Variants in PSD3 observed in about 807,000 individuals in gnomAD.
PSD3 encodes pleckstrin and Sec7 domain containing 3.
Under a neutral mutation model 105.5 loss-of-function variants are expected in PSD3, and 49 were observed. The ratio of observed to expected loss-of-function variants is 0.46; its 90% CI spans 0.37 to 0.59. The LOEUF (loss-of-function observed/expected upper bound fraction) is 0.59, where lower values mean the gene tolerates loss of function less well. Among genes scored for constraint, PSD3 ranks in the 20% least tolerant of loss-of-function variants. The pLI is 0.00. For synonymous variants in PSD3, 557 were observed against 457.8 expected, an observed-to-expected ratio of 1.22 and a Z score of -2.77; for missense variants, 1,561 against 1,263.8, an observed-to-expected ratio of 1.24 and a Z score of -3.57.
At chr8:18,727,551 A>AAC (rs56410753) in intron 9 of PSD3, among the ~76,000 whole-genome samples, 26,043 of 137,326 alleles carry the variant, frequency 0.19, 2,874 homozygotes, top group East Asian at 0.47. Flanking sequence ...AAAAAATCCA[A>AAC]ACACACACAC....
intron 1 of PSD3, among the ~76,000 whole-genome samples, chr8:18,944,864 A>C (rs1310046456): frequency 6.6e-6 from 1 of 152,116 alleles, no homozygotes; most frequent in East Asian, 1.9e-4. Flanking sequence ...TTATTCTCTG[A>C]GCATTTATTT....
chr8:18,911,930 C>T (rs1361612789), intron 2 of PSD3, among the ~76,000 whole-genome samples: 2 of 152,136 alleles, frequency 1.3e-5, no homozygotes, highest in African/African-American at 2.4e-5. Flanking sequence ...AAAACAAATG[C>T]AACAACTCAA....
Position 18,838,750 on chromosome 8 carries a change from C to T in PSD3, c.1634+28924G>A, listed in dbSNP as rs186457713. ...CCGGGAGGCAGAGCTTGCAGTGAGC[C>T]GCGACAGCGCCACTGCACTCCAGCC... On this transcript the variant is annotated intron_variant, in intron 4 of 15. Coordinates refer to ENST00000327040, the MANE Select transcript of PSD3 (RefSeq NM_015310.4). Among the ~76,000 whole-genome samples the T allele has an allele frequency of 4.7e-5, 7 of 150,470 alleles. No individual in the cohort carries two copies. In the East Asian group the frequency reaches 9.8e-4, roughly 21 times the overall value.
At chr8:19,023,519 C>A (rs940835718) in intron 1 of PSD3, among the ~76,000 whole-genome samples, 1 of 151,988 alleles carries the variant, frequency 6.6e-6, no homozygotes, top group African/African-American at 2.4e-5. Flanking sequence ...GCCTTGACCT[C>A]CTGTGGACTC....
At chr8:18,603,567 A>C (rs1288838440) in intron 11 of PSD3, among the ~76,000 whole-genome samples, 1 of 152,156 alleles carries the variant, frequency 6.6e-6, no homozygotes, top group East Asian at 1.9e-4. Flanking sequence ...ACATTATTTC[A>C]CTATCTTTTG....
intron 4 of PSD3, among the ~76,000 whole-genome samples, chr8:18,845,031 T>G (rs562341697): frequency 1.3e-5 from 2 of 152,176 alleles, no homozygotes; most frequent in Non-Finnish European, 2.9e-5. Flanking sequence ...GCCTAGATTT[T>G]CTAAAATCTT....
At chr8:18,659,734 T>C (rs7824710) in intron 9 of PSD3, among the ~76,000 whole-genome samples, 45,845 of 152,090 alleles carry the variant, frequency 0.3, 9,455 homozygotes, top group East Asian at 0.67. Context: ...GCGCCTTTGT[T>C]GGTGAGGATG....
At chr8:18,721,147 G>A (rs889843321) in intron 9 of PSD3, 1 of 151,982 alleles carries the variant, frequency 6.6e-6, no homozygotes, top group Non-Finnish European at 1.5e-5. Context: ...ATCGCCATCT[G>A]TCCCACCGGA....
At chr8:18,945,080 A>ACT (rs1465120193) in intron 1 of PSD3, among the ~76,000 whole-genome samples, 1 of 152,112 alleles carries the variant, frequency 6.6e-6, no homozygotes, top group Non-Finnish European at 1.5e-5. Flanking sequence ...ACACACACAC[A>ACT]CACATACGTA....
intron 9 of PSD3, among the ~76,000 whole-genome samples, chr8:18,680,240 A>T (rs1366708473): frequency 6.6e-6 from 1 of 152,218 alleles, no homozygotes; most frequent in Non-Finnish European, 1.5e-5. Flanking sequence ...AATACTGCAC[A>T]TTCCAAATTC....
intron 1 of PSD3, among the ~76,000 whole-genome samples, chr8:19,066,076 G>A (rs1206576992): frequency 1.3e-5 from 2 of 152,114 alleles, no homozygotes; most frequent in African/African-American, 4.8e-5. Flanking sequence ...TCAAGTCATG[G>A]CAGCACCTTT....
In PSD3 at chr8:18,801,501, G is replaced by A. The variant is rs1328485414; in HGVS notation, c.1911-119C>T. On this transcript the variant is annotated intron_variant, in intron 6 of 15. Coordinates refer to ENST00000327040, the MANE Select transcript of PSD3 (RefSeq NM_015310.4). Reference sequence around the variant, plus strand: ...TTAATTATACAAAGTAAGATATTATGAAGTTATCTCCCCCCAAAAAAATCA... The same window carrying A: ...TTAATTATACAAAGTAAGATATTATAAAGTTATCTCCCCCCAAAAAAATCA... The A allele has an allele frequency of 6.6e-6, 4 of 601,950 alleles. No homozygotes were observed. The African/African-American group carries it at 7.7e-5, about 12-fold the overall frequency. The allele number at this position is 601,950 out of a possible 1,614,324, so 37.3% of individuals were successfully genotyped here.
intron 15 of PSD3, among the ~76,000 whole-genome samples, chr8:18,551,958 G>T (rs774160788): frequency 6.6e-6 from 1 of 152,208 alleles, no homozygotes; most frequent in Non-Finnish European, 1.5e-5. Context: ...GACACTTACT[G>T]TAGAAAGTTA....
chr8:18,859,572 G>A (rs1312757024), intron 4 of PSD3, among the ~76,000 whole-genome samples: 4 of 152,210 alleles, frequency 2.6e-5, no homozygotes, highest in African/African-American at 9.6e-5. Flanking sequence ...AAAATGTGTT[G>A]TTTAGTGTAG....
At chr8:18,833,412 C>T (rs1023715551) in intron 4 of PSD3, among the ~76,000 whole-genome samples, 4 of 152,152 alleles carry the variant, frequency 2.6e-5, no homozygotes, top group Non-Finnish European at 5.9e-5. Flanking sequence ...TCCCAATAGG[C>T]CAGTACCATT....
intron 2 of PSD3, among the ~76,000 whole-genome samples, chr8:18,932,145 T>C (rs1444792401): frequency 6.6e-6 from 1 of 152,254 alleles, no homozygotes; most frequent in Non-Finnish European, 1.5e-5. Flanking sequence ...GCTGTGTATT[T>C]ACAATCTCAT....
intron 8 of PSD3, among the ~76,000 whole-genome samples, chr8:18,789,587 G>A (rs1486989157): frequency 6.6e-6 from 1 of 152,146 alleles, no homozygotes; most frequent in Non-Finnish European, 1.5e-5. Context: ...GGACCAAAAA[G>A]TTTTAGAATA....
intron 9 of PSD3, among the ~76,000 whole-genome samples, chr8:18,746,446 CCAAA>C (rs1162740756): frequency 1.3e-5 from 2 of 152,174 alleles, no homozygotes; most frequent in African/African-American, 4.8e-5. Context: ...TTCGGAAACA[CCAAA>C]CAAAGGTACA....
intron 1 of PSD3, among the ~76,000 whole-genome samples, chr8:19,044,110 G>C (rs1828231565): frequency 6.6e-6 from 1 of 152,166 alleles, no homozygotes; most frequent in African/African-American, 2.4e-5. Flanking sequence ...CAAGTAAGAT[G>C]CTGTGCTACA....
Sources: gnomAD v4.1 joint callset for allele counts (sites outside exome capture counted in the v4.1 genomes callset) on GRCh38, gnomAD v4.1.1 for gene constraint, MANE v1.5 for transcripts, NCBI Gene and HGNC (gene_info 2026-07-23, HGNC 2026-07-21) for gene names.